PDXDC1: variants seen among roughly 807,000 people sequenced by gnomAD.
PDXDC1 encodes pyridoxal dependent decarboxylase domain containing 1, also known as pyridoxal-dependent decarboxylase domain-containing protein 1.
In PDXDC1, 42 loss-of-function variants were observed where a neutral mutation model predicts 100.1. The observed-to-expected ratio is 0.42, with a 90% CI of 0.33 to 0.54. The LOEUF is 0.54. Among genes scored for constraint, PDXDC1 ranks in the 20% least tolerant of loss-of-function variants. The probability of loss-of-function intolerance (pLI) is 0.10; values close to 1 mark genes in which losing one functional copy is unlikely to be tolerated. For missense variants in PDXDC1, 636 were observed against 979.2 expected, an observed-to-expected ratio of 0.65 and a Z score of 4.68; for synonymous variants, 260 against 371.7, an observed-to-expected ratio of 0.70 and a Z score of 3.46.
At chr16:15,092,129 AG>A (rs1265685266) in intron 16 of PDXDC1, among the ~76,000 whole-genome samples, 3 of 152,202 alleles carry the variant, frequency 2.0e-5, no homozygotes, top group African/African-American at 7.2e-5. Flanking sequence ...CAGTGAGCCG[AG>A]GTCACGCCAC....
intron 5 of PDXDC1, among the ~76,000 whole-genome samples, chr16:15,005,317 A>AAG (rs1555551932): frequency 4.8e-5 from 7 of 146,860 alleles, no homozygotes; most frequent in Admixed American, 2.0e-4. Context: ...AAAAAAAAAA[A>AAG]AAAGAAAACT....
chr16:14,980,500 T>C (rs1283716176), intron 1 of PDXDC1, among the ~76,000 whole-genome samples: 2 of 152,292 alleles, frequency 1.3e-5, no homozygotes, highest in African/African-American at 4.8e-5. Flanking sequence ...TTTTTTATTT[T>C]TTTGAGATGG....
At chr16:15,007,368 G>T (rs1421100309) in intron 6 of PDXDC1, among the ~76,000 whole-genome samples, 1 of 152,306 alleles carries the variant, frequency 6.6e-6, no homozygotes, top group Admixed American at 6.5e-5. Flanking sequence ...TAGAGATGGG[G>T]TTTCACCGTG....
chr16:15,142,756 C>G (rs888896127), downstream of PDXDC1, among the ~76,000 whole-genome samples: 11 of 151,916 alleles, frequency 7.2e-5, no homozygotes, highest in Non-Finnish European at 1.5e-4. Flanking sequence ...CCCCGCCCCT[C>G]GGGCTTCCTC....
chr16:15,148,237 G>A, the PDXDC1 span, among the ~76,000 whole-genome samples: 5 of 151,860 alleles, frequency 3.3e-5, no homozygotes, highest in Non-Finnish European at 5.9e-5. Flanking sequence ...GATTACAGGC[G>A]TGAGGCACCG....
At chr16:15,128,456 G>A (rs2047873620) in intron 16 of PDXDC1, 1 of 906,100 alleles carries the variant, frequency 1.1e-6, no homozygotes. Context: ...TCCCAGGCAA[G>A]TCATCTCAGC....
intron 1 of PDXDC1, among the ~76,000 whole-genome samples, chr16:14,982,417 G>T (rs1231879428): frequency 6.6e-6 from 1 of 152,270 alleles, no homozygotes; most frequent in Non-Finnish European, 1.5e-5. Context: ...GAGGTCAGGA[G>T]TTCGAGACCA....
intron 1 of PDXDC1, among the ~76,000 whole-genome samples, chr16:14,987,288 A>G (rs1306757113): frequency 6.6e-6 from 1 of 152,282 alleles, no homozygotes; most frequent in Non-Finnish European, 1.5e-5. Context: ...TAAAGTGTTG[A>G]GTTGCTTCAT....
At chr16:15,039,291 T>G (rs2043699182), downstream of PDXDC1, among the ~76,000 whole-genome samples, 1 of 152,182 alleles carries the variant, frequency 6.6e-6, no homozygotes, top group East Asian at 1.9e-4. Flanking sequence ...CTAAAAATGT[T>G]AAAAGGGTTG....
intron 16 of PDXDC1, chr16:15,048,233 A>G: frequency 1.6e-6 from 1 of 627,210 alleles, no homozygotes; most frequent in East Asian, 2.7e-5. Context: ...GTGGACAGAG[A>G]GGCTCAAAGA....
intron 16 of PDXDC1, among the ~76,000 whole-genome samples, chr16:15,122,412 G>A (rs952007498): frequency 2.7e-5 from 4 of 145,490 alleles, no homozygotes; most frequent in African/African-American, 7.7e-5. Context: ...ATGGGGTTTC[G>A]CTATGATGCC....
At chr16:15,149,863 C>G in the PDXDC1 span, among the ~76,000 whole-genome samples, 1 of 152,116 alleles carries the variant, frequency 6.6e-6, no homozygotes, top group Non-Finnish European at 1.5e-5. Context: ...AGGACAACCT[C>G]TGGGACAATG....
intron 16 of PDXDC1, chr16:15,128,183 G>C (rs563601091): frequency 1.2e-6 from 2 of 1,608,972 alleles, no homozygotes; most frequent in Non-Finnish European, 1.7e-6. Context: ...GCCCCAACGC[G>C]GGGGCAGAGG....
chr16:15,104,576 T>G, intron 16 of PDXDC1: 1 of 1,598,146 alleles, frequency 6.3e-7, no homozygotes, highest in South Asian at 1.1e-5. Flanking sequence ...CCGCTGAGGG[T>G]GGAAGGGGAT....
intron 14 of PDXDC1, among the ~76,000 whole-genome samples, chr16:15,028,434 T>C (rs1442240249): frequency 2.6e-5 from 4 of 152,294 alleles, no homozygotes; most frequent in African/African-American, 9.6e-5. Flanking sequence ...CTTTATGGTC[T>C]GTTTCCTCAA....
rs771283047 is a variant in PDXDC1 at position 15,017,200 on chromosome 16, T to C, written c.861+32T>C. 1.4e-4 allele frequency: 221 copies of C among 1,612,600 alleles called. No homozygotes were observed. The East Asian group carries it at 4.1e-3, about 30-fold the overall frequency. ...TGTTGATTTACTGAATATTGGTGTTTTTAAGAATGAATTTAAAGTCACTCA... is the reference window on the plus strand; with the variant it reads ...TGTTGATTTACTGAATATTGGTGTTCTTAAGAATGAATTTAAAGTCACTCA... On this transcript the variant is annotated intron_variant, in intron 10 of 22. Transcript: ENST00000396410.
At chr16:15,122,001 C>T (rs1020720919) in intron 16 of PDXDC1, 8 of 266,318 alleles carry the variant, frequency 3.0e-5, no homozygotes, top group South Asian at 2.0e-4. Context: ...ATTAGCCAGG[C>T]GTGGTGGTCT....
At chr16:15,143,558 C>G (rs2048507469), downstream of PDXDC1, among the ~76,000 whole-genome samples, 1 of 152,210 alleles carries the variant, frequency 6.6e-6, no homozygotes, top group African/African-American at 2.4e-5. Flanking sequence ...CTCCTGCCCT[C>G]CCCCTGGGCT....
downstream of PDXDC1, among the ~76,000 whole-genome samples, chr16:15,140,586 C>T (rs1201591699): frequency 6.6e-6 from 1 of 152,140 alleles, no homozygotes; most frequent in Non-Finnish European, 1.5e-5. Context: ...AAAGACATCC[C>T]ATGTCAGCAG....
Sources: gnomAD v4.1 joint callset for allele counts (sites outside exome capture counted in the v4.1 genomes callset) on GRCh38, gnomAD v4.1.1 for gene constraint, MANE v1.5 for transcripts, NCBI Gene and HGNC (gene_info 2026-07-23, HGNC 2026-07-21) for gene names.